LARP1B: variants seen among roughly 807,000 people sequenced by gnomAD.
The protein encoded by LARP1B is La ribonucleoprotein 1B, also known as la-related protein 1B.
LARP1B carries 76 observed loss-of-function variants against 114.2 expected under a neutral mutation model. That is an observed-to-expected ratio of 0.67 (90% confidence interval 0.55 to 0.81). The LOEUF is 0.81. LARP1B is among the 30% of genes least tolerant of loss of function. The pLI, the probability that LARP1B is intolerant of heterozygous loss-of-function variation, is 0.00. For missense variants in LARP1B, 1,014 were observed against 1,075.8 expected (o/e 0.94, Z 0.80); for synonymous variants, 345 against 348.0 (o/e 0.99, Z 0.10).
intron 11 of LARP1B, among the ~76,000 whole-genome samples, chr4:128,154,278 A>C (rs571645126): frequency 6.6e-6 from 1 of 152,304 alleles, no homozygotes; most frequent in South Asian, 2.1e-4. Context: ...AGTGGGAGCA[A>C]CAGTGGCCAT....
intron 11 of LARP1B, among the ~76,000 whole-genome samples, chr4:128,161,796 A>G (rs1561455252): frequency 6.6e-6 from 1 of 152,010 alleles, no homozygotes. Context: ...TTCACATACT[A>G]CCTAATATTA....
chr4:128,090,364 C>T (rs1775460338), intron 5 of LARP1B, among the ~76,000 whole-genome samples: 1 of 152,186 alleles, frequency 6.6e-6, no homozygotes, highest in Non-Finnish European at 1.5e-5. Context: ...TGAGCCACCG[C>T]GCCCGGCCTT....
chr4:128,162,250 C>G lies in LARP1B; in HGVS notation c.1581C>G (p.Asn527Lys), dbSNP rs143788464. 1.9e-6 allele frequency: 3 copies of G among 1,612,836 alleles called. No individual in the cohort carries two copies. Among genetic ancestry groups the G allele is most frequent in the Admixed American group, 1.7e-5 (1 of 59,942 alleles). The change falls in exon 12 of 20, where the codon AAC becomes AAG. Residue 527 changes from asparagine to lysine, a missense_variant. Transcript: ENST00000326639. ...LNLISKEQFE[N>K]LTPELPFEPN... is the part of the protein sequence containing the mutation. ...TCATTAGTAAAGAGCAGTTTGAAAA[C>G]CTAACACCTGAACTTCCTTTTGAGC... is the stretch of plus-strand genomic sequence containing the variant.
intron 1 of LARP1B, among the ~76,000 whole-genome samples, 176 bp from the exon 2 acceptor site, chr4:128,074,284 A>C (rs1462084364): frequency 6.6e-6 from 1 of 152,196 alleles, no homozygotes; most frequent in Non-Finnish European, 1.5e-5. Flanking sequence ...ACTGAAGATC[A>C]CCTTGAATCT....
chr4:128,137,664 T>C (rs1725958917), intron 11 of LARP1B, among the ~76,000 whole-genome samples: 1 of 151,818 alleles, frequency 6.6e-6, no homozygotes, highest in Admixed American at 6.6e-5. Flanking sequence ...CAAATTAGGG[T>C]AATTTATATA....
At chr4:128,129,160 G>T (rs1790662928) in intron 11 of LARP1B, among the ~76,000 whole-genome samples, 1 of 83,384 alleles carries the variant, frequency 1.2e-5, no homozygotes. Context: ...GCGAGACTCT[G>T]TCTCAAAAAA....
At chr4:128,208,362 A>T (rs1758153847) in intron 19 of LARP1B, among the ~76,000 whole-genome samples, 2 of 151,772 alleles carry the variant, frequency 1.3e-5, no homozygotes, top group Non-Finnish European at 2.9e-5. Flanking sequence ...GAAAAATTTT[A>T]AATTTAAAAA....
chr4:128,200,482 T>C (rs1255256642), intron 16 of LARP1B, 39 bp from the exon 17 acceptor site: 12 of 1,250,276 alleles, frequency 9.6e-6, no homozygotes, highest in Non-Finnish European at 1.2e-5. Context: ...CTTTAAAAAG[T>C]ATGTTTAATA....
At chr4:128,160,671 T>C (rs1349763220) in intron 11 of LARP1B, among the ~76,000 whole-genome samples, 1 of 152,218 alleles carries the variant, frequency 6.6e-6, no homozygotes, top group Non-Finnish European at 1.5e-5. Flanking sequence ...ATTTATAGAA[T>C]TGGGAGTTGC....
chr4:128,074,476 A>C lies in LARP1B; in HGVS notation c.-61A>C. On this transcript the variant is annotated 5_prime_UTR_variant, in exon 2 of 20. Coordinates refer to ENST00000326639, the MANE Select transcript of LARP1B (RefSeq NM_018078.4). ...TTTCTTTAGAATTCGGTTCCCTCAA[A>C]ATTATAAAGGCAGGAAAGCTCAAGA... The C allele has an allele frequency of 1.1e-6, 1 of 901,524 alleles. No individual in the cohort carries two copies. Among genetic ancestry groups the C allele is most frequent in the Non-Finnish European group, 1.3e-6 (1 of 753,056 alleles). 55.8% of individuals were successfully genotyped at this position (901,524 alleles called of 1,614,324 possible). A position where few individuals can be genotyped will look rare whatever the true frequency, so the allele number is the denominator to read the frequency against.
At chr4:128,095,992 ATTT>A (rs71587360) in intron 7 of LARP1B, among the ~76,000 whole-genome samples, 4 of 125,366 alleles carry the variant, frequency 3.2e-5, no homozygotes, top group Admixed American at 8.7e-5. Flanking sequence ...GGAGGCTATA[ATTT>A]TTTTTTTTTT....
At chr4:128,136,620 A>G (rs1429879209) in intron 11 of LARP1B, among the ~76,000 whole-genome samples, 4 of 152,202 alleles carry the variant, frequency 2.6e-5, no homozygotes, top group Admixed American at 1.3e-4. Context: ...AATTTCAGAA[A>G]CGTTTTGCCT....
chr4:128,076,306 C>T (rs1018662041), intron 3 of LARP1B, among the ~76,000 whole-genome samples: 1 of 152,158 alleles, frequency 6.6e-6, no homozygotes, highest in Non-Finnish European at 1.5e-5. Context: ...CGCCCAGCCT[C>T]ATCTCGTTGT....
intron 12 of LARP1B, among the ~76,000 whole-genome samples, chr4:128,165,443 TTTAAA>T (rs571717530): frequency 1.6e-4 from 21 of 134,922 alleles, no homozygotes; most frequent in African/African-American, 5.1e-4. Flanking sequence ...AATTTTAATC[TTTAAA>T]TTAATTGGAC....
At chr4:128,193,543 A>G (rs1328694017) in intron 15 of LARP1B, among the ~76,000 whole-genome samples, 4 of 151,980 alleles carry the variant, frequency 2.6e-5, no homozygotes, top group Admixed American at 6.6e-5. Context: ...ATGTTAGACC[A>G]TTTGATAATA....
At chr4:128,212,672 A>C (rs1759148854), downstream of LARP1B, among the ~76,000 whole-genome samples, 1 of 151,766 alleles carries the variant, frequency 6.6e-6, no homozygotes. Flanking sequence ...CAAAAACAAA[A>C]AACAAACAAA....
Position 128,178,630 on chromosome 4 carries a change from C to T in LARP1B, c.1884C>T (p.Ala628=), listed in dbSNP as rs753516489. 48 of 1,612,880 alleles carry T rather than the reference C, an allele frequency of 3.0e-5. No individual in the cohort carries two copies. Among genetic ancestry groups the T allele is most frequent in the Non-Finnish European group, 3.9e-5 (46 of 1,179,064 alleles). Residue 628 remains alanine, a synonymous_variant, in exon 14 of 20, where the codon GCC becomes GCT. Transcript: ENST00000326639. ...RFYPVVKEPK[A]IDVKSPRKRK... ...ATCCTGTTGTTAAAGAACCAAAAGC[C>T]ATTGATGTAAAGGTATACAAAACAA...
chr4:128,178,541 A>T lies in LARP1B; in HGVS notation c.1795A>T (p.Thr599Ser), dbSNP rs1360773055. 1.2e-6 allele frequency: 2 copies of T among 1,614,092 alleles called. No homozygotes were observed. The highest frequency in any genetic ancestry group is 1.7e-6 in the Non-Finnish European group (2 of 1,179,962). Residue 599 changes from threonine to serine, a missense_variant, in exon 14 of 20, where the codon ACA becomes TCA. Coordinates refer to ENST00000326639, the MANE Select transcript of LARP1B (RefSeq NM_018078.4). ...AVPESPRIHP[T>S]RTPKTPRTPR... is the part of the protein sequence containing the mutation. ...TCCAGAATCTCCTAGAATTCATCCT[A>T]CAAGAACACCCAAAACACCTCGAAC...
intron 3 of LARP1B, among the ~76,000 whole-genome samples, chr4:128,075,248 C>T (rs758278726): frequency 3.3e-5 from 5 of 151,704 alleles, no homozygotes; most frequent in Non-Finnish European, 7.4e-5. Flanking sequence ...ACTACAGGCA[C>T]GCACCACTGT....
Sources: gnomAD v4.1 joint callset for allele counts (sites outside exome capture counted in the v4.1 genomes callset) on GRCh38, gnomAD v4.1.1 for gene constraint, MANE v1.5 for transcripts, NCBI Gene and HGNC (gene_info 2026-07-23, HGNC 2026-07-21) for gene names.